Variants in MACROD2 observed in about 807,000 individuals in gnomAD.
MACROD2 encodes the protein ADP-ribose glycohydrolase MACROD2.
In MACROD2, 36 loss-of-function variants were observed where a neutral mutation model predicts 70.4. The observed-to-expected ratio is 0.51, with a 90% CI of 0.39 to 0.68. MACROD2 has a LOEUF of 0.68. Among genes scored for constraint, MACROD2 ranks in the 30% least tolerant of loss-of-function variants. The pLI is 0.00. For synonymous variants in MACROD2, 172 were observed against 178.8 expected (o/e 0.96, Z 0.30); for missense variants, 496 against 538.4 (o/e 0.92, Z 0.78).
At chr20:15,412,036 C>T (rs2146325826) in intron 6 of MACROD2, among the ~76,000 whole-genome samples, 1 of 152,234 alleles carries the variant, frequency 6.6e-6, no homozygotes, top group South Asian at 2.1e-4. Context: ...CCTGCCTTCT[C>T]CGTTGTTTAG....
chr20:14,707,008 G>A (rs1034332702), intron 5 of MACROD2, among the ~76,000 whole-genome samples: 4 of 152,092 alleles, frequency 2.6e-5, no homozygotes, highest in African/African-American at 7.2e-5. Flanking sequence ...TTCTTTTTCC[G>A]CTTCCCTTCT....
chr20:14,776,255 A>G (rs545352101), intron 5 of MACROD2, among the ~76,000 whole-genome samples: 5 of 152,194 alleles, frequency 3.3e-5, no homozygotes, highest in African/African-American at 1.2e-4. Flanking sequence ...TCTGGACTCA[A>G]GGGAACCTCA....
chr20:15,100,650 A>T (rs6034106), intron 5 of MACROD2, among the ~76,000 whole-genome samples: 1,972 of 152,296 alleles, frequency 0.013, 44 homozygotes, highest in African/African-American at 0.046. Flanking sequence ...GTAGTTGGCT[A>T]GGTTTTTTTG....
chr20:14,445,108 C>T (rs759613423), intron 3 of MACROD2, among the ~76,000 whole-genome samples: 5 of 152,000 alleles, frequency 3.3e-5, no homozygotes, highest in Non-Finnish European at 7.3e-5. Context: ...CAGTGGCTTT[C>T]CTTTTAGGGA....
At chr20:14,438,496 CCATA>C (rs2084084312) in intron 3 of MACROD2, among the ~76,000 whole-genome samples, 1 of 152,166 alleles carries the variant, frequency 6.6e-6, no homozygotes, top group Non-Finnish European at 1.5e-5. Context: ...AGACCATTTT[CCATA>C]ATGGCTGTAG....
At chr20:14,962,184 A>C (rs1396522801) in intron 5 of MACROD2, among the ~76,000 whole-genome samples, 1 of 152,002 alleles carries the variant, frequency 6.6e-6, no homozygotes, top group Non-Finnish European at 1.5e-5. Context: ...CTCACATTAC[A>C]TTTATTTGTT....
At chr20:14,478,788 C>G (rs923328258) in intron 3 of MACROD2, among the ~76,000 whole-genome samples, 8 of 152,112 alleles carry the variant, frequency 5.3e-5, no homozygotes, top group Admixed American at 3.9e-4. Context: ...TCCTAGCCTA[C>G]TTTAGTGGGC....
At chr20:15,962,815 G>A (rs1363229362) in intron 12 of MACROD2, among the ~76,000 whole-genome samples, 1 of 152,178 alleles carries the variant, frequency 6.6e-6, no homozygotes, top group Non-Finnish European at 1.5e-5. Context: ...GATGCCCTGA[G>A]CAATGTCCTG....
intron 3 of MACROD2, among the ~76,000 whole-genome samples, chr20:14,130,315 AGGTG>A (rs2148698515): frequency 2.0e-5 from 3 of 152,336 alleles, no homozygotes; most frequent in South Asian, 2.1e-4. Flanking sequence ...TGGGAGGCCA[AGGTG>A]GGTGGATCAC....
intron 7 of MACROD2, among the ~76,000 whole-genome samples, chr20:15,493,219 G>A (rs1376320684): frequency 6.6e-6 from 1 of 152,196 alleles, no homozygotes; most frequent in African/African-American, 2.4e-5. Flanking sequence ...AGTTAAAGCT[G>A]AGGTGAGACC....
chr20:15,227,528 T>C (rs1161260259), intron 5 of MACROD2, among the ~76,000 whole-genome samples: 1 of 152,164 alleles, frequency 6.6e-6, no homozygotes, highest in Non-Finnish European at 1.5e-5. Flanking sequence ...TGTTCTTTCA[T>C]GTATTAAGTG....
chr20:14,669,041 A>G (rs1208126655), intron 4 of MACROD2, among the ~76,000 whole-genome samples: 4 of 152,208 alleles, frequency 2.6e-5, no homozygotes, highest in African/African-American at 9.6e-5. Context: ...ATTGCTTGAC[A>G]AAGTGATCAA....
chr20:15,272,069 G>A (rs390058), intron 6 of MACROD2, among the ~76,000 whole-genome samples: 138,630 of 152,266 alleles, frequency 0.91, 63,419 homozygotes, highest in Non-Finnish European at 0.93. Flanking sequence ...TTTTTCAGTA[G>A]TGGTAACCAT....
At chr20:15,880,703 G>C (rs765958860) in intron 9 of MACROD2, among the ~76,000 whole-genome samples, 1 of 151,994 alleles carries the variant, frequency 6.6e-6, no homozygotes, top group Non-Finnish European at 1.5e-5. Flanking sequence ...ACCCTAAAGG[G>C]TGTTAATTCT....
intron 8 of MACROD2, among the ~76,000 whole-genome samples, chr20:15,676,004 C>T (rs533775398): frequency 6.6e-6 from 1 of 152,152 alleles, no homozygotes; most frequent in Non-Finnish European, 1.5e-5. Context: ...TCTTGTGTAT[C>T]AAATGGCAGT....
At chr20:15,008,086 A>C in intron 5 of MACROD2, among the ~76,000 whole-genome samples, 1 of 152,204 alleles carries the variant, frequency 6.6e-6, no homozygotes. Context: ...CTATGAAAAT[A>C]AGTTGGTGAA....
At chr20:14,445,470 A>G (rs1846094161) in intron 3 of MACROD2, among the ~76,000 whole-genome samples, 1 of 151,942 alleles carries the variant, frequency 6.6e-6, no homozygotes, top group South Asian at 2.1e-4. Context: ...ATGTTATTTA[A>G]TGTGTTTCTT....
At chr20:15,910,394 ATGTGTGTGTGTG>A (rs3072220) in intron 10 of MACROD2, among the ~76,000 whole-genome samples, 12 of 146,344 alleles carry the variant, frequency 8.2e-5, no homozygotes, top group South Asian at 2.2e-4. Flanking sequence ...GTCAGAGGAC[ATGTGTGTGTGTG>A]TGTGTGTGTG....
rs185619207 is a variant in MACROD2 at position 14,748,868 on chromosome 20, A to G, written c.418+63909A>G. On this transcript the variant is annotated intron_variant, in intron 5 of 17. Coordinates refer to ENST00000684519, the MANE Select transcript of MACROD2 (RefSeq NM_001351661.2). ...ATCTCTGCCATCCATGCACCACGGTAGTCTAGAGCAACTGAGAAAACCAGA... is the reference window on the plus strand; with the variant it reads ...ATCTCTGCCATCCATGCACCACGGTGGTCTAGAGCAACTGAGAAAACCAGA... 6.2e-3 allele frequency among the ~76,000 whole-genome samples: 943 copies of G among 152,216 alleles called. 19 individuals carry two copies. The highest frequency in any genetic ancestry group is 0.021 in the African/African-American group (880 of 41,486).
Sources: gnomAD v4.1 joint callset for allele counts (sites outside exome capture counted in the v4.1 genomes callset) on GRCh38, gnomAD v4.1.1 for gene constraint, MANE v1.5 for transcripts, NCBI Gene and HGNC (gene_info 2026-07-23, HGNC 2026-07-21) for gene names.